Variants in AGBL1 observed in about 807,000 individuals in gnomAD.
AGBL1 encodes cytosolic carboxypeptidase 4.
A neutral mutation model predicts 118.9 loss-of-function variants in AGBL1; 130 were observed. The observed-to-expected ratio is 1.09, with a 90% CI of 0.95 to 1.26. The LOEUF (loss-of-function observed/expected upper bound fraction) is 1.26, where lower values mean the gene tolerates loss of function less well. AGBL1 is among the 50% of genes most tolerant of loss of function. The pLI is 0.00. For missense variants in AGBL1, 1,584 were observed against 1,298.1 expected, an observed-to-expected ratio of 1.22 and a Z score of -3.38; for synonymous variants, 555 against 478.9, an observed-to-expected ratio of 1.16 and a Z score of -2.08.
rs79072327 is a variant in AGBL1, at chr15:86,988,089, G to T, written c.3323+1G>T. 7 of 1,612,890 alleles carry T rather than the reference G, an allele frequency of 4.3e-6. No individual in the cohort carries two copies. The highest frequency in any genetic ancestry group is 4.5e-5 in the East Asian group (2 of 44,824). On this transcript the variant is annotated splice_donor_variant, in intron 24 of 24. Transcript: ENST00000441037. LOFTEE classifies it high-confidence loss of function. ...TGAACCTTCTTCTGCATGTCTCCCC[G>T]TGAGTATGTCAGTTTCCTGATTGTA...
chr15:86,766,642 T>C (rs1036458138), intron 22 of AGBL1, among the ~76,000 whole-genome samples: 2 of 151,922 alleles, frequency 1.3e-5, no homozygotes, highest in African/African-American at 4.8e-5. Context: ...ATTCATCCAT[T>C]TGTCCATTTA....
In AGBL1 at chr15:86,827,390, T is replaced by C. The variant is rs1444382780; in HGVS notation, c.3159-79697T>C. Among the ~76,000 whole-genome samples, 172 of 8,564 alleles carry C rather than the reference T, an allele frequency of 0.02. 19 individuals carry two copies. The East Asian group carries it at 0.29, about 14-fold the overall frequency. The allele number at this position is 8,564 out of a possible 152,430, so 5.6% of individuals were successfully genotyped here. On this transcript the variant is annotated intron_variant, in intron 22 of 22. Transcript: ENST00000614907. ...GTGTGTATATATATATATACACATA[T>C]ATATATACATATATATATGTGTATA...
intron 18 of AGBL1, among the ~76,000 whole-genome samples, chr15:86,517,767 C>T (rs2142191171): frequency 6.6e-6 from 1 of 152,252 alleles, no homozygotes; most frequent in Admixed American, 6.5e-5. Flanking sequence ...ACAACTGTAG[C>T]TTTGAAATGA....
intron 1 of AGBL1, among the ~76,000 whole-genome samples, chr15:86,098,598 C>T (rs1179009119): frequency 6.6e-6 from 1 of 152,078 alleles, no homozygotes; most frequent in Non-Finnish European, 1.5e-5. Context: ...GTTCTTGGTA[C>T]CTTTGTCCAA....
At chr15:86,196,868 T>TGCGCGCGCGTGC (rs1555446437) in intron 5 of AGBL1, among the ~76,000 whole-genome samples, 6 of 95,718 alleles carry the variant, frequency 6.3e-5, no homozygotes, top group African/African-American at 2.7e-4. Flanking sequence ...TGTGCACATG[T>TGCGCGCGCGTGC]GCGCGCGCGC....
intron 22 of AGBL1, among the ~76,000 whole-genome samples, chr15:86,824,682 C>T (rs557998411): frequency 6.6e-6 from 1 of 152,026 alleles, no homozygotes; most frequent in African/African-American, 2.4e-5. Context: ...GACACTTGAG[C>T]TTAATTTATA....
intron 17 of AGBL1, among the ~76,000 whole-genome samples, chr15:86,396,732 C>A (rs984351040): frequency 2.4e-4 from 36 of 152,218 alleles, no homozygotes; most frequent in Admixed American, 3.3e-4. Flanking sequence ...ATATTTACTT[C>A]TTTTTGTTTT....
intron 15 of AGBL1, among the ~76,000 whole-genome samples, chr15:86,274,190 A>T (rs2079208005): frequency 6.6e-6 from 1 of 152,228 alleles, no homozygotes; most frequent in Non-Finnish European, 1.5e-5. Context: ...TTACATCTTT[A>T]TGCTATTTAT....
intron 22 of AGBL1, among the ~76,000 whole-genome samples, chr15:86,729,456 G>A (rs932063917): frequency 6.6e-6 from 1 of 152,156 alleles, no homozygotes; most frequent in Non-Finnish European, 1.5e-5. Context: ...AGTCCCCAGT[G>A]TCTACCGTTG....
At chr15:86,884,204 G>GTACT (rs2079936896) in intron 22 of AGBL1, among the ~76,000 whole-genome samples, 1 of 152,150 alleles carries the variant, frequency 6.6e-6, no homozygotes, top group African/African-American at 2.4e-5. Flanking sequence ...TTGAACATAA[G>GTACT]TACTTCAACA....
At chr15:86,823,677 A>G (rs2078970668) in intron 22 of AGBL1, among the ~76,000 whole-genome samples, 2 of 152,206 alleles carry the variant, frequency 1.3e-5, no homozygotes, top group Admixed American at 1.3e-4. Context: ...TAAGATTGGG[A>G]TAGCGAGAAG....
intron 17 of AGBL1, among the ~76,000 whole-genome samples, chr15:86,385,884 T>C (rs969451184): frequency 4.6e-5 from 7 of 151,890 alleles, no homozygotes; most frequent in Admixed American, 2.0e-4. Context: ...TTTTCCTATC[T>C]GACTTTTAAA....
intron 7 of AGBL1, among the ~76,000 whole-genome samples, chr15:86,250,423 G>A (rs1256575991): frequency 6.6e-6 from 1 of 151,326 alleles, no homozygotes. Flanking sequence ...CTACTCAGGA[G>A]GCTGAGACAG....
chr15:86,378,601 T>C (rs2081070297), intron 17 of AGBL1, among the ~76,000 whole-genome samples: 1 of 152,218 alleles, frequency 6.6e-6, no homozygotes, highest in South Asian at 2.1e-4. Context: ...AAATAGGTGA[T>C]ACTGAGCATT....
intron 22 of AGBL1, among the ~76,000 whole-genome samples, chr15:86,736,312 G>A (rs543423009): frequency 4.6e-5 from 7 of 152,008 alleles, no homozygotes; most frequent in Admixed American, 2.6e-4. Context: ...CCCGGGAGGC[G>A]GAGGTTGCAG....
chr15:86,465,640 A>C (rs892841907), intron 18 of AGBL1, among the ~76,000 whole-genome samples: 1 of 152,216 alleles, frequency 6.6e-6, no homozygotes. Context: ...TGTCTTATGC[A>C]GTTGTAGATA....
intron 22 of AGBL1, among the ~76,000 whole-genome samples, chr15:86,743,134 C>T (rs887324823): frequency 6.6e-6 from 1 of 152,058 alleles, no homozygotes; most frequent in African/African-American, 2.4e-5. Flanking sequence ...CCTCAAGACA[C>T]CCAAGTTATA....
chr15:86,122,686 G>A (rs1166021845), intron 1 of AGBL1, among the ~76,000 whole-genome samples: 2 of 152,232 alleles, frequency 1.3e-5, no homozygotes, highest in Non-Finnish European at 2.9e-5. Context: ...TGTCAAGGTT[G>A]TGAAAAAAAG....
intron 22 of AGBL1, among the ~76,000 whole-genome samples, chr15:86,827,289 A>ATGTG (rs1185549204): frequency 9.5e-5 from 5 of 52,470 alleles, no homozygotes; most frequent in Non-Finnish European, 1.9e-4. Flanking sequence ...ATGGGTGTGT[A>ATGTG]TGTATATATA....
Sources: allele counts gnomAD v4.1 joint callset (sites outside exome capture counted in the v4.1 genomes callset), GRCh38; gene constraint gnomAD v4.1.1; transcripts MANE v1.5; gene names NCBI Gene and HGNC (gene_info 2026-07-23, HGNC 2026-07-21).